The following TPTE variants were observed in gnomAD, a reference collection of about 807,000 sequenced individuals.
The protein encoded by TPTE is putative tyrosine-protein phosphatase TPTE.
Under a neutral mutation model 84.1 loss-of-function variants are expected in TPTE, and 59 were observed. That is an observed-to-expected ratio of 0.70 (90% CI 0.57 to 0.87). The LOEUF is 0.87. TPTE is among the 40% of genes least tolerant of loss of function. The pLI, the probability that TPTE is intolerant of heterozygous loss-of-function variation, is 0.00. For missense variants in TPTE, 382 were observed against 659.6 expected, an observed-to-expected ratio of 0.58 and a Z score of 4.61; for synonymous variants, 130 against 223.5, an observed-to-expected ratio of 0.58 and a Z score of 3.73.
chr21:10,543,014 CT>C (rs1051322060), intron 6 of TPTE, among the ~76,000 whole-genome samples: 118 of 72,274 alleles, frequency 1.6e-3, no homozygotes, highest in Middle Eastern at 9.6e-3. Context: ...TGACTGTATT[CT>C]TTTTTTTTTT....
At position 10,526,584 on chromosome 21, in the gene TPTE, C is replaced by T. The variant is rs181854915; in HGVS notation, c.-101-771C>T. 9.8e-5 allele frequency among the ~76,000 whole-genome samples: 15 copies of T among 152,418 alleles called. No homozygotes were observed. In the South Asian group the frequency reaches 2.9e-3, roughly 29 times the overall value. ...GATCAGTTTCTTAAACTTATTTAAA[C>T]GTTTGAAAAGTTAGAAAATTGTGGT... is the stretch of plus-strand genomic sequence containing the variant. On this transcript the variant is annotated intron_variant, in intron 2 of 23. Transcript: ENST00000618007.
At position 10,561,557 on chromosome 21, in the gene TPTE, A is replaced by G. The variant is rs2074805353; in HGVS notation, c.446+366A>G. ...AGCATTCACTACAAACTGACTTAAG[A>G]GCCTTTGGGCCTTATGAGAACATTG... On this transcript the variant is annotated intron_variant, in intron 10 of 23. Coordinates refer to ENST00000618007, the MANE Select transcript of TPTE (RefSeq NM_199261.4). Among the ~76,000 whole-genome samples the G allele has an allele frequency of 2.0e-5, 3 of 152,276 alleles. No homozygotes were observed. In the South Asian group the frequency reaches 6.2e-4, roughly 32 times the overall value.
intron 21 of TPTE, 147 bp from the exon 22 acceptor site, chr21:10,601,911 A>G (rs1277212866): frequency 2.4e-6 from 2 of 819,310 alleles, no homozygotes; most frequent in Admixed American, 2.6e-5. Context: ...ACTAGAAGAG[A>G]TTATTAATAA....
At chr21:10,541,014 G>C (rs569662274) in intron 4 of TPTE, 98 bp from the exon 5 acceptor site, 1 of 1,549,712 alleles carries the variant, frequency 6.5e-7, no homozygotes, top group South Asian at 1.1e-5. Flanking sequence ...AATAATAAAA[G>C]TGTAACTGGG....
At chr21:10,575,298 G>T (rs1273493901) in intron 14 of TPTE, among the ~76,000 whole-genome samples, 1 of 152,310 alleles carries the variant, frequency 6.6e-6, no homozygotes, top group Non-Finnish European at 1.5e-5. Flanking sequence ...TCCTCACTGG[G>T]CAGGAATCCC....
At chr21:10,590,046 C>T (rs1242963780) in intron 17 of TPTE, among the ~76,000 whole-genome samples, 1 of 152,308 alleles carries the variant, frequency 6.6e-6, no homozygotes, top group Non-Finnish European at 1.5e-5. Flanking sequence ...TTTAAATCTA[C>T]ATTTATATGT....
intron 19 of TPTE, among the ~76,000 whole-genome samples, chr21:10,594,396 T>C (rs1197837408): frequency 6.6e-6 from 1 of 152,312 alleles, no homozygotes; most frequent in Admixed American, 6.5e-5. Context: ...TGTATCCCCT[T>C]TAAAGGCAAA....
chr21:10,556,893 G>T (rs1448576058), intron 8 of TPTE, among the ~76,000 whole-genome samples: 1 of 152,262 alleles, frequency 6.6e-6, no homozygotes, highest in Non-Finnish European at 1.5e-5. Flanking sequence ...GGGGTTGTTT[G>T]ATTTTTTTCT....
At chr21:10,559,567 C>T (rs1336972270) in intron 9 of TPTE, 23 bp downstream of exon 9, 1 of 1,612,004 alleles carries the variant, frequency 6.2e-7, no homozygotes, top group South Asian at 1.1e-5. Flanking sequence ...TAGAAAACAC[C>T]ATGTATTAAA....
intron 9 of TPTE, among the ~76,000 whole-genome samples, chr21:10,559,800 G>A (rs186100996): frequency 2.2e-4 from 33 of 152,160 alleles, no homozygotes; most frequent in South Asian, 4.1e-4. Flanking sequence ...CTTGAACCGA[G>A]GAGGCATAGA....
chr21:10,532,501 T>G (rs1482549834), intron 3 of TPTE, among the ~76,000 whole-genome samples: 1 of 152,304 alleles, frequency 6.6e-6, no homozygotes, highest in Non-Finnish European at 1.5e-5. Flanking sequence ...TTCAGTGACT[T>G]ATGCTTACCT....
chr21:10,598,127 ATGTT>A (rs1159602746), intron 21 of TPTE, 33 bp downstream of exon 21: 3 of 1,612,048 alleles, frequency 1.9e-6, no homozygotes, highest in Non-Finnish European at 2.5e-6. Context: ...AAAAAATCTG[ATGTT>A]TGTTTTAAGG....
At chr21:10,557,735 ATT>A (rs577049186) in intron 8 of TPTE, among the ~76,000 whole-genome samples, 37 of 150,348 alleles carry the variant, frequency 2.5e-4, no homozygotes, top group African/African-American at 9.0e-4. Context: ...TCAAAGGCCA[ATT>A]TTTTTTTTTT....
intron 7 of TPTE, among the ~76,000 whole-genome samples, chr21:10,548,630 C>T (rs2074516353): frequency 6.6e-6 from 1 of 152,310 alleles, no homozygotes; most frequent in Non-Finnish European, 1.5e-5. Context: ...TTGACTGTAT[C>T]CCAGGCCTGA....
chr21:10,535,548 C>T (rs469963), intron 3 of TPTE, among the ~76,000 whole-genome samples: 31,379 of 144,074 alleles, frequency 0.22, 66 homozygotes, highest in African/African-American at 0.47. Context: ...GAAAGGGATG[C>T]TTCTTCCTCT....
chr21:10,564,461 G>T (rs1416204348), intron 10 of TPTE, among the ~76,000 whole-genome samples: 1 of 152,308 alleles, frequency 6.6e-6, no homozygotes, highest in African/African-American at 2.4e-5. Context: ...AGTGAGCTGA[G>T]ATCACACCAC....
chr21:10,547,387 G>T (rs1339782167), intron 7 of TPTE, among the ~76,000 whole-genome samples: 1 of 152,312 alleles, frequency 6.6e-6, no homozygotes, highest in African/African-American at 2.4e-5. Context: ...CATCTGGATT[G>T]AATTGGCCCA....
intron 3 of TPTE, among the ~76,000 whole-genome samples, 166 bp from the exon 4 acceptor site, chr21:10,538,515 C>T (rs993538718): frequency 5.3e-5 from 8 of 152,296 alleles, no homozygotes; most frequent in Non-Finnish European, 1.0e-4. Flanking sequence ...TCATATAAAT[C>T]CTCCTTTTTA....
chr21:10,530,174 G>A (rs534980070), intron 3 of TPTE, among the ~76,000 whole-genome samples: 2 of 152,426 alleles, frequency 1.3e-5, no homozygotes, highest in East Asian at 1.9e-4. Flanking sequence ...CATTTCCCCA[G>A]CCCTGGAATC....
Sources: gnomAD v4.1 joint callset for allele counts (sites outside exome capture counted in the v4.1 genomes callset) on GRCh38, gnomAD v4.1.1 for gene constraint, MANE v1.5 for transcripts, NCBI Gene and HGNC (gene_info 2026-07-23, HGNC 2026-07-21) for gene names.